The following PTPRT variants were observed in gnomAD, a reference collection of about 807,000 sequenced individuals.
PTPRT encodes the protein protein tyrosine phosphatase receptor type T, also known as receptor-type tyrosine-protein phosphatase T.
A neutral mutation model predicts 176.8 loss-of-function variants in PTPRT; 56 were observed. The ratio of observed to expected loss-of-function variants is 0.32; its 90% CI spans 0.26 to 0.40. PTPRT has a LOEUF of 0.40. PTPRT is among the 10% of genes least tolerant of loss of function. PTPRT has a pLI of 1.00. For missense variants in PTPRT, 1,540 were observed against 1,908.2 expected, an observed-to-expected ratio of 0.81 and a Z score of 3.60; for synonymous variants, 783 against 739.0, an observed-to-expected ratio of 1.06 and a Z score of -0.96.
At chr20:42,696,343 C>T (rs764165873) in intron 6 of PTPRT, among the ~76,000 whole-genome samples, 10 of 151,476 alleles carry the variant, frequency 6.6e-5, no homozygotes, top group Non-Finnish European at 1.3e-4. Flanking sequence ...TCCTCTCTCC[C>T]GTTCTCCTTT....
At chr20:42,363,462 C>T (rs2058469550) in intron 9 of PTPRT, among the ~76,000 whole-genome samples, 1 of 150,812 alleles carries the variant, frequency 6.6e-6, no homozygotes, top group Non-Finnish European at 1.5e-5. Context: ...AGGCATGCAC[C>T]TCCACCCCTG....
chr20:42,879,087 C>A (rs1568654941), intron 2 of PTPRT, among the ~76,000 whole-genome samples: 1 of 152,112 alleles, frequency 6.6e-6, no homozygotes, highest in Non-Finnish European at 1.5e-5. Context: ...ACTTACAGAG[C>A]TCGTGTGGAA....
At chr20:42,535,683 T>A (rs1171109539) in intron 7 of PTPRT, among the ~76,000 whole-genome samples, 2 of 152,074 alleles carry the variant, frequency 1.3e-5, no homozygotes, top group African/African-American at 4.8e-5. Context: ...CCAGATTAGT[T>A]AAGAGTGAAT....
At chr20:42,128,731 C>A in intron 19 of PTPRT, 23 bp downstream of exon 19, 1 of 1,566,644 alleles carries the variant, frequency 6.4e-7, no homozygotes, top group Non-Finnish European at 8.7e-7. Context: ...AGCCCCAGCC[C>A]CCAGCCCCAT....
intron 9 of PTPRT, among the ~76,000 whole-genome samples, chr20:42,374,206 C>A (rs984620952): frequency 9.2e-5 from 14 of 152,256 alleles, no homozygotes; most frequent in African/African-American, 3.4e-4. Flanking sequence ...TCAACACCAG[C>A]TCTTTCTTCT....
intron 19 of PTPRT, among the ~76,000 whole-genome samples, chr20:42,122,030 G>C (rs73114424): frequency 3.7e-4 from 57 of 152,278 alleles, no homozygotes; most frequent in Non-Finnish European, 6.6e-4. Flanking sequence ...GGCAGGGTAG[G>C]AGGGTGGTGA....
intron 11 of PTPRT, among the ~76,000 whole-genome samples, chr20:42,332,883 T>A (rs1393757345): frequency 1.3e-5 from 2 of 152,252 alleles, no homozygotes; most frequent in African/African-American, 4.8e-5. Flanking sequence ...TTGGAATTTT[T>A]AAAATAAATC....
intron 9 of PTPRT, among the ~76,000 whole-genome samples, chr20:42,363,300 ATTTTTTTT>A (rs879370769): frequency 3.3e-5 from 1 of 30,558 alleles, no homozygotes; most frequent in African/African-American, 1.7e-4. Flanking sequence ...ATATATATAT[ATTTTTTTT>A]TTTTTTTTTT....
At chr20:42,765,054 G>A (rs2076964187) in intron 5 of PTPRT, among the ~76,000 whole-genome samples, 1 of 152,188 alleles carries the variant, frequency 6.6e-6, no homozygotes, top group African/African-American at 2.4e-5. Context: ...AGTGCAGGCA[G>A]GAACCTTTTC....
At chr20:42,324,466 C>T (rs561224901) in intron 11 of PTPRT, among the ~76,000 whole-genome samples, 1 of 152,280 alleles carries the variant, frequency 6.6e-6, no homozygotes, top group African/African-American at 2.4e-5. Context: ...CGATCCTATA[C>T]ATTTACTAAA....
intron 7 of PTPRT, among the ~76,000 whole-genome samples, chr20:42,644,078 C>G (rs1033649164): frequency 4.6e-5 from 7 of 152,080 alleles, no homozygotes; most frequent in African/African-American, 1.7e-4. Context: ...CGCAGAAAAC[C>G]AAGGGGGCCC....
At chr20:42,212,316 G>GAAAAAAAAAAAAAAAAAAA (rs1243675159) in intron 15 of PTPRT, among the ~76,000 whole-genome samples, 1 of 24,302 alleles carries the variant, frequency 4.1e-5, no homozygotes. Flanking sequence ...AAAAAAAAAA[G>GAAAAAAAAAAAAAAAAAAA]ACAAAAAAAA....
intron 1 of PTPRT, among the ~76,000 whole-genome samples, chr20:42,907,601 G>A (rs1264560034): frequency 3.3e-5 from 5 of 152,068 alleles, no homozygotes; most frequent in African/African-American, 9.7e-5. Context: ...GAGGAATTTC[G>A]GAAAACCCAG....
At chr20:42,462,860 C>T (rs1050004289) in intron 8 of PTPRT, among the ~76,000 whole-genome samples, 3 of 152,128 alleles carry the variant, frequency 2.0e-5, no homozygotes, top group Non-Finnish European at 2.9e-5. Context: ...GCCTCTGTAG[C>T]GAGCCATTTT....
intron 7 of PTPRT, among the ~76,000 whole-genome samples, chr20:42,537,362 C>T (rs2072494990): frequency 6.6e-6 from 1 of 152,040 alleles, no homozygotes; most frequent in African/African-American, 2.4e-5. Context: ...AAAATAATAA[C>T]AATAAATGCA....
chr20:42,405,545 A>G (rs1329919955), intron 9 of PTPRT, among the ~76,000 whole-genome samples: 6 of 152,174 alleles, frequency 3.9e-5, no homozygotes, highest in Non-Finnish European at 7.3e-5. Context: ...TGGCTACATA[A>G]TATTTCATGG....
At chr20:42,101,451 G>A (rs139252005) in intron 26 of PTPRT, among the ~76,000 whole-genome samples, 7 of 152,206 alleles carry the variant, frequency 4.6e-5, no homozygotes, top group East Asian at 1.9e-4. Context: ...TCCGAAAAAC[G>A]CAGGGGAGAA....
chr20:42,324,695 C>T (rs971710511), intron 11 of PTPRT, among the ~76,000 whole-genome samples: 10 of 152,236 alleles, frequency 6.6e-5, no homozygotes, highest in South Asian at 2.1e-4. Flanking sequence ...CTTTGTAATG[C>T]CCAACAGAAT....
chr20:42,361,659 GAGTCC>G (rs1368962985), intron 9 of PTPRT, among the ~76,000 whole-genome samples: 2 of 150,958 alleles, frequency 1.3e-5, no homozygotes, highest in African/African-American at 4.9e-5. Context: ...AGCCCCAGCT[GAGTCC>G]AGTCATCTGG....
Sources: allele counts gnomAD v4.1 joint callset (sites outside exome capture counted in the v4.1 genomes callset), GRCh38; gene constraint gnomAD v4.1.1; transcripts MANE v1.5; gene names NCBI Gene and HGNC (gene_info 2026-07-23, HGNC 2026-07-21).